VSTM2A: variants seen among roughly 807,000 people sequenced by gnomAD.
VSTM2A encodes V-set and transmembrane domain-containing protein 2A.
A neutral mutation model predicts 27.3 loss-of-function variants in VSTM2A; 13 were observed. That is an observed-to-expected ratio of 0.48 (90% CI 0.31 to 0.76). The LOEUF (loss-of-function observed/expected upper bound fraction) is 0.76. Ranked by LOEUF, VSTM2A falls within the 30% of genes least tolerant of loss-of-function variation. VSTM2A has a pLI of 0.05. For synonymous variants in VSTM2A, 142 were observed against 125.7 expected (o/e 1.13, Z -0.87); for missense variants, 280 against 310.0 (o/e 0.90, Z 0.73).
intron 4 of VSTM2A, chr7:54,568,896 C>CA: frequency 1.7e-6 from 2 of 1,190,092 alleles, no homozygotes; most frequent in Non-Finnish European, 2.4e-6. Context: ...TCATGAGCAC[C>CA]AGAGCCAAGC....
chr7:54,546,836 T>G (rs1788009609), intron 2 of VSTM2A, 111 bp from the exon 3 acceptor site: 1 of 1,457,628 alleles, frequency 6.9e-7, no homozygotes, highest in African/African-American at 1.5e-5. Flanking sequence ...CGCTCCCCTG[T>G]CCCCAGGTCA....
Position 54,542,608 on chromosome 7 carries a change from AGCAGGATGTTT to A in VSTM2A, c.-118_-108del. The A allele has an allele frequency of 1.2e-6, 1 of 803,016 alleles. No homozygotes were observed. Among genetic ancestry groups the A allele is most frequent in the Non-Finnish European group, 2.1e-6 (1 of 480,808 alleles). 49.7% of individuals were successfully genotyped at this position (803,016 alleles called of 1,614,324 possible). A position where few individuals can be genotyped will look rare whatever the true frequency, so the allele number is the denominator to read the frequency against. The stretch of plus-strand genomic sequence containing the variant: ...CACAGCCAGCCCTCGCCAAGCAAGC[AGCAGGATGTTT>A]GCAGTGTCGCGCCCAGGGCTCTGAG... On this transcript the variant is annotated 5_prime_UTR_variant, in exon 1 of 5. An upstream start codon of the reference 5' UTR is lost. Coordinates refer to ENST00000402613, the MANE Select transcript of VSTM2A (RefSeq NM_001301009.2).
At chr7:54,557,496 G>A (rs1788406686) in intron 4 of VSTM2A, among the ~76,000 whole-genome samples, 1 of 151,814 alleles carries the variant, frequency 6.6e-6, no homozygotes, top group African/African-American at 2.4e-5. Context: ...ACCACGCCCG[G>A]CTAATTTTTG....
intron 4 of VSTM2A, among the ~76,000 whole-genome samples, chr7:54,556,102 A>C (rs994690240): frequency 1.3e-5 from 2 of 152,190 alleles, no homozygotes; most frequent in African/African-American, 2.4e-5. Flanking sequence ...GTCATGCTAC[A>C]AAATACTTTT....
intron 3 of VSTM2A, among the ~76,000 whole-genome samples, chr7:54,548,926 A>G (rs1386365447): frequency 6.6e-6 from 1 of 151,562 alleles, no homozygotes; most frequent in Non-Finnish European, 1.5e-5. Context: ...TGAATCCCAA[A>G]TGTCTTATGA....
intron 4 of VSTM2A, among the ~76,000 whole-genome samples, chr7:54,555,470 G>C (rs1160731228): frequency 6.6e-6 from 1 of 152,058 alleles, no homozygotes; most frequent in Admixed American, 6.5e-5. Flanking sequence ...CTTTGTATGA[G>C]TCTTTTCCTA....
At chr7:54,553,850 C>T in intron 4 of VSTM2A, 1 of 1,551,166 alleles carries the variant, frequency 6.4e-7, no homozygotes, top group Non-Finnish European at 8.7e-7. Flanking sequence ...CTACTTGTTT[C>T]TTCCTGTCTC....
At chr7:54,543,345 C>T (rs635315) in intron 1 of VSTM2A, among the ~76,000 whole-genome samples, 25,584 of 151,974 alleles carry the variant, frequency 0.17, 2,519 homozygotes, top group East Asian at 0.33. Flanking sequence ...CCCGATTGTT[C>T]AGGACTTCGT....
At chr7:54,554,143 C>G in intron 4 of VSTM2A, 1 of 1,533,484 alleles carries the variant, frequency 6.5e-7, no homozygotes, top group Non-Finnish European at 8.8e-7. Context: ...GCTTCCAATT[C>G]CCCACCCTCT....
At chr7:54,544,952 G>T (rs2115757929) in intron 2 of VSTM2A, among the ~76,000 whole-genome samples, 164 bp downstream of exon 2, 1 of 152,338 alleles carries the variant, frequency 6.6e-6, no homozygotes, top group East Asian at 1.9e-4. Flanking sequence ...AAGGGAATTT[G>T]TCCTGGGGAC....
At chr7:54,564,647 C>T (rs568051067) in intron 4 of VSTM2A, among the ~76,000 whole-genome samples, 3 of 152,204 alleles carry the variant, frequency 2.0e-5, no homozygotes, top group South Asian at 2.1e-4. Context: ...GGTTCTCATT[C>T]TCTCCCTGTC....
rs367805691 is a variant in VSTM2A, at chr7:54,542,713, C to T, written c.-18C>T. 3.7e-6 allele frequency: 6 copies of T among 1,610,838 alleles called. No homozygotes were observed. The African/African-American group carries it at 8.0e-5, about 22-fold the overall frequency. On this transcript the variant is annotated 5_prime_UTR_variant, in exon 1 of 5. Coordinates refer to ENST00000402613, the MANE Select transcript of VSTM2A (RefSeq NM_001301009.2). ...TCGGCTGTTGGCTACACTGATGTGA[C>T]CCCCCTCCCTTTTTGGAATGATGGG...
intron 4 of VSTM2A, chr7:54,558,248 C>G (rs1486754311): frequency 6.6e-6 from 1 of 151,922 alleles, no homozygotes; most frequent in Non-Finnish European, 1.5e-5. Flanking sequence ...AAAACATAAA[C>G]AAGTTAGAAT....
intron 4 of VSTM2A, among the ~76,000 whole-genome samples, chr7:54,563,504 A>T (rs1348876127): frequency 6.6e-6 from 1 of 152,160 alleles, no homozygotes; most frequent in Admixed American, 6.6e-5. Context: ...CTGTTTTCAG[A>T]TGTGCAGTGT....
At chr7:54,566,746 C>T (rs1788736498) in intron 4 of VSTM2A, among the ~76,000 whole-genome samples, 2 of 152,202 alleles carry the variant, frequency 1.3e-5, no homozygotes, top group African/African-American at 4.8e-5. Context: ...GAAATAGTAT[C>T]TCATTTAATA....
chr7:54,545,536 GA>G (rs1167743344), intron 2 of VSTM2A, among the ~76,000 whole-genome samples: 1 of 107,962 alleles, frequency 9.3e-6, no homozygotes, highest in Non-Finnish European at 1.9e-5. Context: ...AGGGAAGGGA[GA>G]ATTGGAGTGG....
intron 2 of VSTM2A, among the ~76,000 whole-genome samples, chr7:54,545,076 A>G (rs560213757): frequency 1.3e-3 from 192 of 152,256 alleles, no homozygotes; most frequent in Non-Finnish European, 2.2e-3. Context: ...TGCCCCTACC[A>G]CGCTGCCACA....
intron 2 of VSTM2A, 146 bp from the exon 3 acceptor site, chr7:54,546,801 G>A: frequency 2.2e-6 from 2 of 902,654 alleles, no homozygotes; most frequent in Non-Finnish European, 3.2e-6. Context: ...GTCTGGGCCT[G>A]GACAGGGGTG....
intron 4 of VSTM2A, chr7:54,550,698 G>C (rs765863667): frequency 1.0e-4 from 16 of 157,430 alleles, no homozygotes; most frequent in South Asian, 4.0e-4. Flanking sequence ...AGGGGGGATT[G>C]AAGACTGTAA....
Sources: gnomAD v4.1 joint callset for allele counts (sites outside exome capture counted in the v4.1 genomes callset) on GRCh38, gnomAD v4.1.1 for gene constraint, MANE v1.5 for transcripts, NCBI Gene and HGNC (gene_info 2026-07-23, HGNC 2026-07-21) for gene names.